PINX1: variants seen among roughly 807,000 people sequenced by gnomAD.
PINX1 encodes PIN2/TERF1-interacting telomerase inhibitor 1.
A neutral mutation model predicts 25.4 loss-of-function variants in PINX1; 34 were observed. The ratio of observed to expected loss-of-function variants is 1.34; its 90% CI spans 1.02 to 1.78. The LOEUF (loss-of-function observed/expected upper bound fraction) is 1.78. Among genes scored for constraint, PINX1 ranks in the 40% most tolerant of loss-of-function variants. PINX1 has a pLI of 0.00. For synonymous variants in PINX1, 197 were observed against 147.7 expected (o/e 1.33, Z -2.42); for missense variants, 592 against 404.9 (o/e 1.46, Z -3.97).
chr8:10,765,268 G>T lies in PINX1; in HGVS notation c.*133C>A. 2 of 760,070 alleles carry T rather than the reference G, an allele frequency of 2.6e-6. No individual in the cohort carries two copies. The highest frequency in any genetic ancestry group is 4.1e-6 in the Non-Finnish European group (2 of 491,742). 47.1% of individuals were successfully genotyped at this position (760,070 alleles called of 1,614,324 possible). ...GAAATGTGGCGAGAGGGCAGGACTC[G>T]GCAGCCCATGGGCATGCCACAAGAT... On this transcript the variant is annotated 3_prime_UTR_variant, in exon 7 of 7. Coordinates refer to ENST00000314787, the MANE Select transcript of PINX1 (RefSeq NM_017884.6).
intron 6 of PINX1, among the ~76,000 whole-genome samples, chr8:10,778,518 C>A (rs1305105714): frequency 6.6e-6 from 1 of 152,110 alleles, no homozygotes; most frequent in African/African-American, 2.4e-5. Context: ...TACTTTCTAA[C>A]GGAGCACTTT....
chr8:10,786,842 G>A (rs1801764411), intron 6 of PINX1, among the ~76,000 whole-genome samples: 2 of 152,110 alleles, frequency 1.3e-5, no homozygotes, highest in South Asian at 2.1e-4. Context: ...TGCACCCAGC[G>A]CCTCTCCCCA....
chr8:10,769,199 CTT>C (rs1801149519), intron 6 of PINX1, among the ~76,000 whole-genome samples: 1 of 152,130 alleles, frequency 6.6e-6, no homozygotes, highest in Non-Finnish European at 1.5e-5. Flanking sequence ...GTCTCTCTCT[CTT>C]TTTCAAATTC....
intron 1 of PINX1, 33 bp from the exon 2 acceptor site, chr8:10,834,808 G>A (rs1798351027): frequency 2.0e-6 from 3 of 1,468,132 alleles, no homozygotes; most frequent in Non-Finnish European, 2.8e-6. Flanking sequence ...ATCAGCAATG[G>A]AGATGATACC....
intron 6 of PINX1, among the ~76,000 whole-genome samples, chr8:10,810,422 C>T (rs1797461244): frequency 6.6e-6 from 1 of 152,196 alleles, no homozygotes; most frequent in African/African-American, 2.4e-5. Flanking sequence ...AGGCCTAGCT[C>T]AACTTCCAAT....
chr8:10,792,201 C>T (rs775659391), intron 6 of PINX1, among the ~76,000 whole-genome samples: 10 of 152,098 alleles, frequency 6.6e-5, no homozygotes, highest in Admixed American at 3.9e-4. Context: ...GCACTCTCCG[C>T]GCTGGATGGG....
intron 4 of PINX1, among the ~76,000 whole-genome samples, chr8:10,831,459 T>C (rs993279279): frequency 2.0e-5 from 3 of 152,178 alleles, no homozygotes; most frequent in Admixed American, 2.0e-4. Context: ...CCAACACAAA[T>C]AATAAATGTC....
At chr8:10,785,742 TA>T (rs1801727647) in intron 6 of PINX1, among the ~76,000 whole-genome samples, 1 of 152,226 alleles carries the variant, frequency 6.6e-6, no homozygotes, top group Non-Finnish European at 1.5e-5. Context: ...GATTTTTAAG[TA>T]CCCAGTATGT....
At chr8:10,784,799 T>C (rs1264258266) in intron 6 of PINX1, among the ~76,000 whole-genome samples, 1 of 152,248 alleles carries the variant, frequency 6.6e-6, no homozygotes, top group Non-Finnish European at 1.5e-5. Context: ...ATGTCATTAA[T>C]GCTAGTACTT....
intron 5 of PINX1, among the ~76,000 whole-genome samples, chr8:10,823,396 T>TGC (rs1280967838): frequency 6.6e-6 from 1 of 152,108 alleles, no homozygotes; most frequent in Non-Finnish European, 1.5e-5. Flanking sequence ...GAGGAAGCAC[T>TGC]GCTCTCCTGC....
chr8:10,784,057 G>A (rs1420865476), intron 6 of PINX1, among the ~76,000 whole-genome samples: 1 of 152,128 alleles, frequency 6.6e-6, no homozygotes, highest in African/African-American at 2.4e-5. Flanking sequence ...ACTAAACTCT[G>A]ACCAATGATG....
In PINX1 at chr8:10,803,087, CTTT is replaced by C. The variant is rs545692932; in HGVS notation, c.471+17103_471+17105del. Among the ~76,000 whole-genome samples, 1,083 of 152,226 alleles carry C rather than the reference CTTT, an allele frequency of 7.1e-3. 1 individual carries two copies. The highest frequency in any genetic ancestry group is 0.012 in the Non-Finnish European group (812 of 67,992). Reference sequence around the variant, plus strand: ...ACATATTATTAGTAGATTAAAAAAACTTTTTTATTGTGCAAAAAATTTCAAATA... The same window carrying C: ...ACATATTATTAGTAGATTAAAAAAACTTTATTGTGCAAAAAATTTCAAATA... On this transcript the variant is annotated intron_variant, in intron 6 of 6. Transcript: ENST00000314787.
chr8:10,800,327 C>T (rs1469100099), intron 6 of PINX1, among the ~76,000 whole-genome samples: 8 of 152,142 alleles, frequency 5.3e-5, no homozygotes, highest in Non-Finnish European at 2.9e-5. Context: ...GATGTTACCG[C>T]AGAGTTTTAA....
chr8:10,774,081 C>T (rs535951119), intron 6 of PINX1, among the ~76,000 whole-genome samples: 20 of 152,330 alleles, frequency 1.3e-4, no homozygotes, highest in African/African-American at 4.3e-4. Context: ...TGATAAACAG[C>T]TGAGACCCAG....
chr8:10,777,269 G>T (rs1801423858), intron 6 of PINX1, among the ~76,000 whole-genome samples: 1 of 152,100 alleles, frequency 6.6e-6, no homozygotes, highest in African/African-American at 2.4e-5. Context: ...ATTTTTACTG[G>T]TACTAAAACA....
chr8:10,802,157 A>C (rs935112327), intron 6 of PINX1, among the ~76,000 whole-genome samples: 1 of 152,316 alleles, frequency 6.6e-6, no homozygotes, highest in East Asian at 1.9e-4. Context: ...ACTTTAGCAT[A>C]ATCAAGAACT....
At chr8:10,826,614 A>C (rs1392101800) in intron 4 of PINX1, among the ~76,000 whole-genome samples, 2 of 152,230 alleles carry the variant, frequency 1.3e-5, no homozygotes, top group African/African-American at 4.8e-5. Flanking sequence ...CAACGTGTGA[A>C]TGCATGAACA....
chr8:10,792,306 G>A (rs1316736457), intron 6 of PINX1, among the ~76,000 whole-genome samples: 2 of 151,844 alleles, frequency 1.3e-5, no homozygotes, highest in Admixed American at 6.6e-5. Flanking sequence ...TTCTCTTACT[G>A]ACCCTTTTGT....
At chr8:10,788,165 C>T (rs1370978536) in intron 6 of PINX1, among the ~76,000 whole-genome samples, 1 of 152,072 alleles carries the variant, frequency 6.6e-6, no homozygotes, top group Non-Finnish European at 1.5e-5. Context: ...AGGCTGGCCA[C>T]GAATTGATCA....
Sources: gnomAD v4.1 joint callset for allele counts (sites outside exome capture counted in the v4.1 genomes callset) on GRCh38, gnomAD v4.1.1 for gene constraint, MANE v1.5 for transcripts, NCBI Gene and HGNC (gene_info 2026-07-23, HGNC 2026-07-21) for gene names.